The following SGCD variants were observed in gnomAD, a reference collection of about 807,000 sequenced individuals.
The protein encoded by SGCD is sarcoglycan delta.
A neutral mutation model predicts 36.6 loss-of-function variants in SGCD; 18 were observed. The observed-to-expected ratio is 0.49, with a 90% CI of 0.34 to 0.73. SGCD has a LOEUF of 0.73. SGCD is among the 30% of genes least tolerant of loss of function. The probability of loss-of-function intolerance (pLI) is 0.01; values close to 1 mark genes in which losing one functional copy is unlikely to be tolerated. For missense variants in SGCD, 387 were observed against 346.7 expected, an observed-to-expected ratio of 1.12 and a Z score of -0.92; for synonymous variants, 133 against 130.6, an observed-to-expected ratio of 1.02 and a Z score of -0.12.
intron 1 of SGCD, among the ~76,000 whole-genome samples, chr5:155,911,965 C>G (rs1246514779): frequency 6.6e-6 from 1 of 152,064 alleles, no homozygotes; most frequent in African/African-American, 2.4e-5. Flanking sequence ...AAACCTTCAC[C>G]ACATTGCCCA....
At chr5:155,927,555 T>C (rs1285513850) in intron 1 of SGCD, among the ~76,000 whole-genome samples, 2 of 152,124 alleles carry the variant, frequency 1.3e-5, no homozygotes, top group African/African-American at 4.8e-5. Context: ...ATGGGGGCAG[T>C]TCTATGATTA....
upstream of SGCD, among the ~76,000 whole-genome samples, chr5:155,868,946 G>C (rs1176294127): frequency 6.6e-6 from 1 of 152,122 alleles, no homozygotes; most frequent in Non-Finnish European, 1.5e-5. Flanking sequence ...CTATTATTTA[G>C]AATTTGCTAA....
chr5:156,214,385 G>T (rs534532935), intron 3 of SGCD, among the ~76,000 whole-genome samples: 1 of 151,628 alleles, frequency 6.6e-6, no homozygotes, highest in South Asian at 2.1e-4. Context: ...AAATACTTAG[G>T]ATAAAATTTA....
chr5:156,054,817 A>G (rs1335385029), intron 1 of SGCD, among the ~76,000 whole-genome samples: 3 of 146,632 alleles, frequency 2.0e-5, no homozygotes, highest in Non-Finnish European at 4.6e-5. Flanking sequence ...ATAATTCTAT[A>G]TTAAGTTATA....
At chr5:156,652,403 G>GGAAT (rs1763496152) in intron 7 of SGCD, among the ~76,000 whole-genome samples, 1 of 152,012 alleles carries the variant, frequency 6.6e-6, no homozygotes, top group Non-Finnish European at 1.5e-5. Context: ...GCATGAGGAT[G>GGAAT]GCTTGAGCCC....
At chr5:155,730,070 A>G in the SGCD span, among the ~76,000 whole-genome samples, 3 of 152,162 alleles carry the variant, frequency 2.0e-5, no homozygotes, top group African/African-American at 7.2e-5. Flanking sequence ...ATGGGCATAC[A>G]CGTGTTGTGT....
intron 3 of SGCD, among the ~76,000 whole-genome samples, chr5:156,453,896 G>A (rs1754137109): frequency 6.6e-6 from 1 of 152,158 alleles, no homozygotes; most frequent in Non-Finnish European, 1.5e-5. Context: ...CAAAATTCTA[G>A]AACATGAAAA....
At chr5:155,981,400 T>C (rs552096758) in intron 1 of SGCD, among the ~76,000 whole-genome samples, 2 of 152,142 alleles carry the variant, frequency 1.3e-5, no homozygotes, top group South Asian at 4.2e-4. Context: ...AGTATAGCAG[T>C]ATAGGCCTGA....
At chr5:156,248,443 C>T (rs556931432) in intron 3 of SGCD, among the ~76,000 whole-genome samples, 7 of 152,114 alleles carry the variant, frequency 4.6e-5, no homozygotes, top group Admixed American at 4.6e-4. Flanking sequence ...CACTTGAACC[C>T]GGGAGGCAGA....
intron 1 of SGCD, among the ~76,000 whole-genome samples, chr5:155,948,163 G>C (rs1345311730): frequency 6.6e-6 from 1 of 152,110 alleles, no homozygotes; most frequent in Non-Finnish European, 1.5e-5. Flanking sequence ...TGTAGTCCCA[G>C]CTACTTGGAA....
At position 156,154,972 on chromosome 5, in the gene SGCD, G is replaced by C. The variant is rs1041468411; in HGVS notation, c.-44+30953G>C. 2.6e-5 allele frequency among the ~76,000 whole-genome samples: 4 copies of C among 151,562 alleles called. 1 individual carries two copies. Among genetic ancestry groups the C allele is most frequent in the African/African-American group, 9.8e-5 (4 of 40,892 alleles). ...GTGATGACAAACTCAATGTCTGCAG[G>C]GATGAGGCAGGGAATGTTAATGAGT... On this transcript the variant is annotated intron_variant, in intron 3 of 9. Transcript: ENST00000517913.
At chr5:156,742,467 C>A (rs532819248) in intron 7 of SGCD, among the ~76,000 whole-genome samples, 4 of 151,510 alleles carry the variant, frequency 2.6e-5, no homozygotes, top group South Asian at 4.2e-4. Context: ...TAGAAATCAG[C>A]CTTGGTCCAG....
chr5:156,148,766 G>T (rs1330493439), intron 3 of SGCD, among the ~76,000 whole-genome samples: 1 of 152,130 alleles, frequency 6.6e-6, no homozygotes, highest in African/African-American at 2.4e-5. Context: ...TAAGCTTCAT[G>T]CCTATGTGCA....
intron 1 of SGCD, among the ~76,000 whole-genome samples, chr5:155,891,029 T>A (rs1264445093): frequency 6.6e-6 from 1 of 152,064 alleles, no homozygotes; most frequent in Non-Finnish European, 1.5e-5. Context: ...AAAAAGAGGA[T>A]GCTAGGTATT....
chr5:156,514,531 T>C (rs999120100), intron 4 of SGCD, among the ~76,000 whole-genome samples: 7 of 152,170 alleles, frequency 4.6e-5, no homozygotes, highest in African/African-American at 1.4e-4. Flanking sequence ...AGTGGAAAAT[T>C]ATGCAAATAT....
the SGCD span, among the ~76,000 whole-genome samples, chr5:155,765,019 G>A: frequency 3.9e-5 from 6 of 152,142 alleles, no homozygotes; most frequent in Admixed American, 6.6e-5. Context: ...TCTAAGATGC[G>A]TGTAATCTCA....
chr5:156,224,083 A>T, intron 3 of SGCD, among the ~76,000 whole-genome samples: 1 of 151,956 alleles, frequency 6.6e-6, no homozygotes, highest in Non-Finnish European at 1.5e-5. Context: ...TTACTATAAA[A>T]TGGGCATTAT....
At chr5:156,584,753 T>C (rs968944890) in intron 4 of SGCD, among the ~76,000 whole-genome samples, 15 of 152,214 alleles carry the variant, frequency 9.9e-5, no homozygotes, top group African/African-American at 3.4e-4. Flanking sequence ...TATATATCTA[T>C]ATGGCCTCCT....
At chr5:155,837,922 T>G in the SGCD span, among the ~76,000 whole-genome samples, 1 of 152,020 alleles carries the variant, frequency 6.6e-6, no homozygotes, top group East Asian at 1.9e-4. Context: ...CAAGTTTCAG[T>G]GGACACATCT....
Sources: allele counts gnomAD v4.1 joint callset (sites outside exome capture counted in the v4.1 genomes callset), GRCh38; gene constraint gnomAD v4.1.1; transcripts MANE v1.5; gene names NCBI Gene and HGNC (gene_info 2026-07-23, HGNC 2026-07-21).